Variants in MYH15 observed in about 807,000 individuals in gnomAD.
The protein encoded by MYH15 is myosin-15.
Under a neutral mutation model 240.5 loss-of-function variants are expected in MYH15, and 227 were observed. That is an observed-to-expected ratio of 0.94 (90% CI 0.85 to 1.05). The LOEUF (loss-of-function observed/expected upper bound fraction) is 1.05. Ranked by LOEUF, MYH15 falls within the 50% of genes least tolerant of loss-of-function variation. The pLI, the probability that MYH15 is intolerant of heterozygous loss-of-function variation, is 0.00. For missense variants in MYH15, 2,217 were observed against 2,247.5 expected (o/e 0.99, Z 0.27); for synonymous variants, 785 against 796.7 (o/e 0.99, Z 0.25).
rs1158806160 is a variant in MYH15, at chr3:108,490,892, T to A, written c.871+1608A>T. 2.6e-5 allele frequency among the ~76,000 whole-genome samples: 4 copies of A among 152,076 alleles called. No homozygotes were observed. In the South Asian group the frequency reaches 8.3e-4, roughly 32 times the overall value. ...ACAAAGAAATTAGATCATGGTTTTTTTTTTTTCTTTTTTGAGACAGAGTCT... is the reference window on the plus strand; with the variant it reads ...ACAAAGAAATTAGATCATGGTTTTTATTTTTTCTTTTTTGAGACAGAGTCT... On this transcript the variant is annotated intron_variant, in intron 9 of 40. Transcript: ENST00000693548.
chr3:108,475,868 C>T (rs1055324645), intron 12 of MYH15, among the ~76,000 whole-genome samples: 11 of 152,190 alleles, frequency 7.2e-5, no homozygotes, highest in African/African-American at 2.4e-4. Flanking sequence ...TTATTCTCTA[C>T]TATAACATTC....
chr3:108,387,186 T>C (rs1336522448), intron 38 of MYH15, among the ~76,000 whole-genome samples: 1 of 152,190 alleles, frequency 6.6e-6, no homozygotes, highest in Non-Finnish European at 1.5e-5. Flanking sequence ...ATGACATTTT[T>C]AATTGCACCT....
At chr3:108,467,987 A>G (rs908145144) in intron 14 of MYH15, among the ~76,000 whole-genome samples, 11 of 148,528 alleles carry the variant, frequency 7.4e-5, no homozygotes, top group African/African-American at 2.7e-4. Context: ...TTTTTTTGAG[A>G]TAGAATCTCA....
intron 1 of MYH15, among the ~76,000 whole-genome samples, chr3:108,524,027 T>C (rs906418536): frequency 1.3e-5 from 2 of 151,768 alleles, no homozygotes; most frequent in South Asian, 4.1e-4. Flanking sequence ...CTTGTACGTG[T>C]GTCATTACTC....
chr3:108,546,263 C>G, the MYH15 span, among the ~76,000 whole-genome samples: 1 of 152,150 alleles, frequency 6.6e-6, no homozygotes, highest in Non-Finnish European at 1.5e-5. Context: ...ATGAACAGTG[C>G]TGTCTTTTGC....
chr3:108,391,296 C>A (rs1463534864), intron 37 of MYH15, among the ~76,000 whole-genome samples: 2 of 152,198 alleles, frequency 1.3e-5, no homozygotes, highest in African/African-American at 4.8e-5. Context: ...GATACTACAT[C>A]ATTTCTGTCA....
At chr3:108,531,803 A>AATAAATAAATAC (rs1278373735), upstream of MYH15, among the ~76,000 whole-genome samples, 10 of 150,764 alleles carry the variant, frequency 6.6e-5, no homozygotes, top group East Asian at 3.9e-4. Context: ...TAAATAAATA[A>AATAAATAAATAC]ATACATAAAT....
intron 3 of MYH15, 137 bp from the exon 4 acceptor site, chr3:108,500,411 G>C: frequency 1.1e-6 from 1 of 887,186 alleles, no homozygotes; most frequent in Non-Finnish European, 1.7e-6. Context: ...GAATCATGTA[G>C]AGAAGGGACT....
chr3:108,437,485 G>T, intron 25 of MYH15, 69 bp downstream of exon 25: 1 of 1,539,008 alleles, frequency 6.5e-7, no homozygotes. Flanking sequence ...AAGGATAAAT[G>T]AAATGAGAAA....
chr3:108,400,785 G>A (rs1003594824), intron 33 of MYH15, among the ~76,000 whole-genome samples: 1 of 152,080 alleles, frequency 6.6e-6, no homozygotes, highest in Non-Finnish European at 1.5e-5. Flanking sequence ...CTCCAGCCTG[G>A]GCAACAAAGC....
chr3:108,414,017 C>T (rs56403893), intron 30 of MYH15, among the ~76,000 whole-genome samples: 1 of 152,262 alleles, frequency 6.6e-6, no homozygotes, highest in Non-Finnish European at 1.5e-5. Context: ...TCTTTATAGT[C>T]TCTGTCACTT....
the MYH15 span, among the ~76,000 whole-genome samples, chr3:108,539,466 T>C: frequency 6.6e-6 from 1 of 152,024 alleles, no homozygotes; most frequent in Non-Finnish European, 1.5e-5. Flanking sequence ...TTTAAATAAA[T>C]AAAGCAAGCA....
At position 108,384,849 on chromosome 3, in the gene MYH15, C is replaced by A. The variant is rs1024538878; in HGVS notation, c.5536-67G>T. On this transcript the variant is annotated intron_variant, in intron 38 of 40. Transcript: ENST00000693548. ...CCAGCAGTCTACGTTGGTGTAGTCTCATGTGGGGAAATAAGGATCAGGGAA... is the reference window on the plus strand; with the variant it reads ...CCAGCAGTCTACGTTGGTGTAGTCTAATGTGGGGAAATAAGGATCAGGGAA... 3.7e-6 allele frequency: 5 copies of A among 1,362,726 alleles called. No homozygotes were observed. In the African/African-American group the frequency reaches 7.2e-5, roughly 20 times the overall value. The allele number at this position is 1,362,726 out of a possible 1,614,324, so 84.4% of individuals were successfully genotyped here.
chr3:108,522,763 G>A (rs2083630734), intron 1 of MYH15, among the ~76,000 whole-genome samples: 2 of 152,028 alleles, frequency 1.3e-5, no homozygotes, highest in African/African-American at 4.8e-5. Context: ...AACTATTTGA[G>A]GGCGAAATAA....
intron 2 of MYH15, among the ~76,000 whole-genome samples, chr3:108,502,527 CTATAGTTATTAAA>C (rs2083446116): frequency 6.6e-6 from 1 of 151,954 alleles, no homozygotes; most frequent in African/African-American, 2.4e-5. Flanking sequence ...GTCATAATAA[CTATAGTTATTAAA>C]TATAGTTATT....
intron 3 of MYH15, 116 bp from the exon 4 acceptor site, chr3:108,500,390 G>C: frequency 9.0e-7 from 1 of 1,106,736 alleles, no homozygotes; most frequent in Non-Finnish European, 1.3e-6. Flanking sequence ...GAACTCAGAG[G>C]GGAGCTTTTG....
At chr3:108,480,219 A>G (rs753837387) in intron 11 of MYH15, among the ~76,000 whole-genome samples, 6 of 152,204 alleles carry the variant, frequency 3.9e-5, no homozygotes, top group African/African-American at 7.2e-5. Flanking sequence ...ACAACATTCA[A>G]TCTGAGCCTT....
intron 28 of MYH15, among the ~76,000 whole-genome samples, chr3:108,419,924 G>C (rs544662386): frequency 1.3e-5 from 2 of 152,248 alleles, no homozygotes; most frequent in South Asian, 2.1e-4. Context: ...TACTAAAACT[G>C]ATTTTAGTTA....
At chr3:108,519,804 C>A (rs2083603893) in intron 1 of MYH15, among the ~76,000 whole-genome samples, 1 of 152,106 alleles carries the variant, frequency 6.6e-6, no homozygotes, top group African/African-American at 2.4e-5. Context: ...AAAAGACATG[C>A]ATTAAATATA....
Sources: gnomAD v4.1 joint callset for allele counts (sites outside exome capture counted in the v4.1 genomes callset) on GRCh38, gnomAD v4.1.1 for gene constraint, MANE v1.5 for transcripts, NCBI Gene and HGNC (gene_info 2026-07-23, HGNC 2026-07-21) for gene names.